IL1RAPL1: variants seen among roughly 807,000 people sequenced by gnomAD.
IL1RAPL1 encodes the protein interleukin-1 receptor accessory protein-like 1.
IL1RAPL1 carries 3 observed loss-of-function variants against 48.4 expected under a neutral mutation model. The observed-to-expected ratio is 0.06, with a 90% confidence interval of 0.03 to 0.16. The LOEUF (loss-of-function observed/expected upper bound fraction) is 0.16. Among genes scored for constraint, IL1RAPL1 ranks in the 10% least tolerant of loss-of-function variants. IL1RAPL1 has a pLI of 1.00. For missense variants in IL1RAPL1, 349 were observed against 530.6 expected, an observed-to-expected ratio of 0.66 and a Z score of 3.36; for synonymous variants, 185 against 187.7, an observed-to-expected ratio of 0.99 and a Z score of 0.12.
chrX:28,784,995 T>C (rs1176174097), intron 1 of IL1RAPL1, among the ~76,000 whole-genome samples: 1 of 112,206 alleles, frequency 8.9e-6, no homozygotes, highest in Non-Finnish European at 1.9e-5. Context: ...TTTTGAATGT[T>C]GTTTTTGAAA....
chrX:28,838,471 G>A (rs4893554), intron 2 of IL1RAPL1, among the ~76,000 whole-genome samples: 12,310 of 110,296 alleles, frequency 0.11, 1,184 homozygotes, highest in East Asian at 0.31. Flanking sequence ...AGAAATAGAC[G>A]AAACAAAGAT....
At chrX:28,768,112 C>A (rs1216358196) in intron 1 of IL1RAPL1, among the ~76,000 whole-genome samples, 1 of 111,191 alleles carries the variant, frequency 9.0e-6, no homozygotes, top group Non-Finnish European at 1.9e-5. Context: ...TTAAACACAT[C>A]GTGTGGATTT....
chrX:28,783,461 G>A (rs1342987324), intron 1 of IL1RAPL1, among the ~76,000 whole-genome samples: 1 of 111,253 alleles, frequency 9.0e-6, no homozygotes, highest in Non-Finnish European at 1.9e-5. Flanking sequence ...TCCCTTGTCA[G>A]AGAAGCGCTA....
Position 28,911,394 on chromosome X carries a change from A to G in IL1RAPL1, c.82+121969A>G, listed in dbSNP as rs187564035. 4.6e-3 allele frequency among the ~76,000 whole-genome samples: 513 copies of G among 111,516 alleles called. 4 individuals carry two copies. Among genetic ancestry groups the G allele is most frequent in the African/African-American group, 0.016 (482 of 30,758 alleles). On this transcript the variant is annotated intron_variant, in intron 2 of 10. Coordinates refer to ENST00000378993, the MANE Select transcript of IL1RAPL1 (RefSeq NM_014271.4). ...AATAATACAGATTTCAAACACATCAATAATTCATTTGACATGAAGCAAGGA... is the reference window on the plus strand; with the variant it reads ...AATAATACAGATTTCAAACACATCAGTAATTCATTTGACATGAAGCAAGGA...
intron 6 of IL1RAPL1, among the ~76,000 whole-genome samples, chrX:29,887,556 G>T: frequency 8.9e-6 from 1 of 112,312 alleles, no homozygotes; most frequent in Admixed American, 9.4e-5. Context: ...TTAAAAAAAT[G>T]AGGCTGTCAC....
Position 29,072,262 on chromosome X carries a change from G to A in IL1RAPL1, c.83-210676G>A, listed in dbSNP as rs1397627078. 4.5e-5 allele frequency among the ~76,000 whole-genome samples: 5 copies of A among 110,624 alleles called. No individual in the cohort carries two copies. The East Asian group carries it at 1.4e-3, about 31-fold the overall frequency. ...ATGGTTCTATCGACTCGTCATTGTT[G>A]TTTTATATCAGCATGTCTTAACCAT... On this transcript the variant is annotated intron_variant, in intron 2 of 10. Transcript: ENST00000378993.
intron 3 of IL1RAPL1, among the ~76,000 whole-genome samples, chrX:29,323,773 A>ATATATATAT (rs1932825539): frequency 2.2e-5 from 1 of 44,500 alleles, no homozygotes; most frequent in African/African-American, 8.2e-5. Context: ...ATATATATAT[A>ATATATATAT]TATATATATA....
chrX:28,881,010 T>G (rs1174888247), intron 2 of IL1RAPL1, among the ~76,000 whole-genome samples: 1 of 111,661 alleles, frequency 9.0e-6, no homozygotes, highest in Non-Finnish European at 1.9e-5. Flanking sequence ...TAGTCATTAT[T>G]TTACCTTTTC....
chrX:28,864,332 T>A (rs2147304412), intron 2 of IL1RAPL1, among the ~76,000 whole-genome samples: 1 of 112,194 alleles, frequency 8.9e-6, no homozygotes, highest in African/African-American at 3.2e-5. Flanking sequence ...AAACGATATT[T>A]TTTGAGTGCC....
intron 2 of IL1RAPL1, among the ~76,000 whole-genome samples, chrX:28,848,222 TA>T (rs1921562062): frequency 9.0e-6 from 1 of 110,984 alleles, no homozygotes. Flanking sequence ...ATGCAGGGCT[TA>T]AAACCTAGAT....
At chrX:29,496,745 T>G (rs942057659) in intron 5 of IL1RAPL1, among the ~76,000 whole-genome samples, 1 of 111,830 alleles carries the variant, frequency 8.9e-6, no homozygotes, top group African/African-American at 3.3e-5. Context: ...CTCCATTTTT[T>G]TCCTTTGTTC....
rs192678595 is a variant in IL1RAPL1 at position 29,171,995 on chromosome X, A to G, written c.83-110943A>G. Among the ~76,000 whole-genome samples, 39 of 112,303 alleles carry G rather than the reference A, an allele frequency of 3.5e-4. No homozygotes were observed. In the East Asian group the frequency reaches 7.6e-3, roughly 22 times the overall value. On this transcript the variant is annotated intron_variant, in intron 2 of 10. Transcript: ENST00000378993. ...CTTACCAAATTGAAAATAATGACCC[A>G]TTTTGCCAATAATAACCTCAAGATG...
At chrX:29,470,017 A>G (rs1028252263) in intron 5 of IL1RAPL1, among the ~76,000 whole-genome samples, 3 of 112,123 alleles carry the variant, frequency 2.7e-5, no homozygotes, top group African/African-American at 9.7e-5. Context: ...TGGAATTAAT[A>G]GTTATTTTAC....
intron 2 of IL1RAPL1, among the ~76,000 whole-genome samples, chrX:29,013,578 G>A (rs191379149): frequency 9.7e-4 from 108 of 111,729 alleles, no homozygotes; most frequent in Admixed American, 1.8e-3. Context: ...ACATAGAGTT[G>A]GAAACCATTA....
chrX:29,172,542 C>T (rs1434899666), intron 2 of IL1RAPL1, among the ~76,000 whole-genome samples: 3 of 111,829 alleles, frequency 2.7e-5, no homozygotes, highest in Non-Finnish European at 3.8e-5. Context: ...TTATATGTGA[C>T]AAGAACCACA....
At chrX:29,793,401 A>G (rs1414730753) in intron 6 of IL1RAPL1, among the ~76,000 whole-genome samples, 1 of 112,362 alleles carries the variant, frequency 8.9e-6, no homozygotes, top group Non-Finnish European at 1.9e-5. Flanking sequence ...GAGACCACCT[A>G]TTCTTTTTCT....
chrX:29,705,833 A>G (rs1927178864), intron 6 of IL1RAPL1, among the ~76,000 whole-genome samples: 1 of 112,679 alleles, frequency 8.9e-6, no homozygotes, highest in African/African-American at 3.2e-5. Context: ...TGGAGATGAA[A>G]TAAGAATTTC....
intron 5 of IL1RAPL1, among the ~76,000 whole-genome samples, chrX:29,509,580 T>C (rs148550418): frequency 1.3e-3 from 141 of 112,190 alleles, no homozygotes; most frequent in Non-Finnish European, 6.0e-4. Flanking sequence ...GAACCCATAT[T>C]ATAAAACCCA....
At chrX:28,756,583 C>CTCCAG (rs1302340744) in intron 1 of IL1RAPL1, among the ~76,000 whole-genome samples, 1 of 112,171 alleles carries the variant, frequency 8.9e-6, no homozygotes, top group East Asian at 2.8e-4. Context: ...ATGTCCCAAC[C>CTCCAG]TCTACTGGAC....
Sources: allele counts gnomAD v4.1 joint callset (sites outside exome capture counted in the v4.1 genomes callset), GRCh38; gene constraint gnomAD v4.1.1; transcripts MANE v1.5; gene names NCBI Gene and HGNC (gene_info 2026-07-23, HGNC 2026-07-21).